Variants in MLXIP observed in about 807,000 individuals in gnomAD.
The protein encoded by MLXIP is MLX-interacting protein.
MLXIP carries 30 observed loss-of-function variants against 87.2 expected under a neutral mutation model. The observed-to-expected ratio is 0.34, with a 90% confidence interval of 0.26 to 0.47. The LOEUF (loss-of-function observed/expected upper bound fraction) is 0.47, where lower values mean the gene tolerates loss of function less well. Among genes scored for constraint, MLXIP ranks in the 20% least tolerant of loss-of-function variants. The probability of loss-of-function intolerance (pLI) is 1.00; values close to 1 mark genes in which losing one functional copy is unlikely to be tolerated. For missense variants in MLXIP, 1,002 were observed against 1,240.1 expected, an observed-to-expected ratio of 0.81 and a Z score of 2.88; for synonymous variants, 530 against 514.0, an observed-to-expected ratio of 1.03 and a Z score of -0.42.
At chr12:122,079,566 A>G (rs1268727267) in intron 1 of MLXIP, among the ~76,000 whole-genome samples, 2 of 152,164 alleles carry the variant, frequency 1.3e-5, no homozygotes, top group African/African-American at 4.8e-5. Flanking sequence ...CACTGGCTGC[A>G]TCTTGTGTTA....
At position 122,135,425 on chromosome 12, in the gene MLXIP, G is replaced by T. The variant is rs1953069821; in HGVS notation, c.1855-64G>T. The T allele has an allele frequency of 6.2e-7, 1 of 1,603,182 alleles. No individual in the cohort carries two copies. The highest frequency in any genetic ancestry group is 1.1e-5 in the South Asian group (1 of 89,238). On this transcript the variant is annotated intron_variant, in intron 10 of 16. Transcript: ENST00000319080. The surrounding 1 kb of genome is among the most constrained non-coding windows in gnomAD (Gnocchi z 5.3). ...ATCTTGGGCGGCCCTCACCTGAGAC[G>T]ACTGGTGTGCCGCCCTGCTGTATAT...
At chr12:122,094,480 GGTGT>G (rs1298610332) in intron 1 of MLXIP, among the ~76,000 whole-genome samples, 1 of 128,742 alleles carries the variant, frequency 7.8e-6, no homozygotes, top group Non-Finnish European at 1.6e-5. Flanking sequence ...TTGGTGTGTG[GGTGT>G]GTGTTTGCAA....
intron 1 of MLXIP, among the ~76,000 whole-genome samples, chr12:122,103,551 C>T (rs1291734780): frequency 1.4e-4 from 20 of 138,960 alleles, no homozygotes; most frequent in African/African-American, 3.5e-4. Flanking sequence ...GACAGAGTCT[C>T]GCTGTGTCAC....
chr12:122,129,361 C>A, intron 4 of MLXIP, 135 bp downstream of exon 4: 1 of 944,126 alleles, frequency 1.1e-6, no homozygotes, highest in Non-Finnish European at 1.6e-6. Flanking sequence ...AAATCTGGGG[C>A]CCAGCGTGCC....
chr12:122,082,440 G>C (rs922324852), intron 1 of MLXIP, among the ~76,000 whole-genome samples: 1 of 152,204 alleles, frequency 6.6e-6, no homozygotes, highest in African/African-American at 2.4e-5. Flanking sequence ...TTCCCTGCAA[G>C]GTGGAAGTGA....
intron 1 of MLXIP, among the ~76,000 whole-genome samples, chr12:122,122,280 C>A (rs142288154): frequency 1.3e-5 from 2 of 152,332 alleles, no homozygotes; most frequent in East Asian, 3.9e-4. Context: ...GAAGTCCCCC[C>A]AGTCACAGAC....
At chr12:122,106,595 C>CTTTT (rs1162475087) in intron 1 of MLXIP, among the ~76,000 whole-genome samples, 49 of 62,878 alleles carry the variant, frequency 7.8e-4, no homozygotes, top group East Asian at 3.2e-3. Flanking sequence ...ATCGCAGGTT[C>CTTTT]TTTTTTTTTT....
chr12:122,111,819 TTTAAGTAGG>T (rs1364981808), intron 1 of MLXIP, among the ~76,000 whole-genome samples: 1 of 152,224 alleles, frequency 6.6e-6, no homozygotes, highest in African/African-American at 2.4e-5. Context: ...GATTTCTCTT[TTTAAGTAGG>T]TTAAGTAGTG....
chr12:122,109,731 A>G (rs571136447), intron 1 of MLXIP, among the ~76,000 whole-genome samples: 17 of 152,360 alleles, frequency 1.1e-4, no homozygotes, highest in African/African-American at 4.1e-4. Context: ...TAAGTTGACT[A>G]AAAAACACCC....
intron 11 of MLXIP, chr12:122,136,438 C>G (rs1359782344): frequency 7.2e-6 from 1 of 139,640 alleles, no homozygotes; most frequent in Non-Finnish European, 1.5e-5. Context: ...CATGGTGAAA[C>G]CTTGTCCCTA....
At chr12:122,119,007 A>G (rs1952735830) in intron 1 of MLXIP, among the ~76,000 whole-genome samples, 1 of 152,100 alleles carries the variant, frequency 6.6e-6, no homozygotes, top group South Asian at 2.1e-4. Flanking sequence ...TCTACTAAAA[A>G]TACAAAAAAT....
In MLXIP at chr12:122,142,145, C is replaced by G; in HGVS notation, c.*333C>G. ...GCTGGTGGCCTGCCGGGCCTGGCGC[C>G]GGTGAGCGGAATCGATGGGATGAGG... On this transcript the variant is annotated 3_prime_UTR_variant, in exon 17 of 17. Transcript: ENST00000319080. 1 of 701,200 alleles carries G rather than the reference C, an allele frequency of 1.4e-6. No individual in the cohort carries two copies. The highest frequency in any genetic ancestry group is 2.6e-6 in the Non-Finnish European group (1 of 384,614). 43.4% of individuals were successfully genotyped at this position (701,200 alleles called of 1,614,324 possible). A position where few individuals can be genotyped will look rare whatever the true frequency, so the allele number is the denominator to read the frequency against.
rs2135995781 is a variant in MLXIP, at chr12:122,140,947, A to G, written c.2509-7A>G. ...GTGCTTGCCTTTTCTTTAACCACAC[A>G]CTGCAGTTCAGCATCATCATCAAGC... On this transcript the variant is annotated splice_polypyrimidine_tract_variant and splice_region_variant and intron_variant, in intron 15 of 16. Transcript: ENST00000319080. 5 of 1,613,742 alleles carry G rather than the reference A, an allele frequency of 3.1e-6. No homozygotes were observed. Among genetic ancestry groups the G allele is most frequent in the Non-Finnish European group, 3.4e-6 (4 of 1,179,838 alleles).
chr12:122,133,032 A>G lies in MLXIP; in HGVS notation c.1093-316A>G. On this transcript the variant is annotated intron_variant, in intron 8 of 16. Coordinates refer to ENST00000319080, the MANE Select transcript of MLXIP (RefSeq NM_014938.6). This position sits in a 1 kb window ranked among gnomAD's most constrained non-coding sequence, Gnocchi z 4.9. ...CAATCCAGGCTGCCTCTGCTCAGTAATAGAAGATGGCAGAGACTTTGGGGA... is the reference window on the plus strand; with the variant it reads ...CAATCCAGGCTGCCTCTGCTCAGTAGTAGAAGATGGCAGAGACTTTGGGGA... 3.3e-6 allele frequency: 1 copy of G among 300,504 alleles called. No individual in the cohort carries two copies. The highest frequency in any genetic ancestry group is 6.2e-6 in the Non-Finnish European group (1 of 162,404). The allele number at this position is 300,504 out of a possible 1,614,324, so 18.6% of individuals were successfully genotyped here.
At position 122,142,415 on chromosome 12, in the gene MLXIP, G is replaced by T; in HGVS notation, c.*603G>T. 2.2e-6 allele frequency: 1 copy of T among 456,744 alleles called. No homozygotes were observed. The highest frequency in any genetic ancestry group is 1.7e-5 in the South Asian group (1 of 57,452). The allele number at this position is 456,744 out of a possible 1,614,324, so 28.3% of individuals were successfully genotyped here. On this transcript the variant is annotated 3_prime_UTR_variant, in exon 17 of 17. Coordinates refer to ENST00000319080, the MANE Select transcript of MLXIP (RefSeq NM_014938.6). The stretch of plus-strand genomic sequence containing the variant: ...AGTGCCTTCTTCAGAGGTCCTCCAG[G>T]ACACATGTGTGCAGAAACGGTGGAT...
At chr12:122,127,487 AC>A (rs1952899625) in intron 2 of MLXIP, 125 bp downstream of exon 2, 2 of 699,994 alleles carry the variant, frequency 2.9e-6, no homozygotes, top group Non-Finnish European at 4.7e-6. Context: ...GTCTGTGCAG[AC>A]AGGAAACCCA....
chr12:122,095,968 G>A (rs1454417933), intron 1 of MLXIP, among the ~76,000 whole-genome samples: 2 of 152,030 alleles, frequency 1.3e-5, no homozygotes, highest in Non-Finnish European at 1.5e-5. Context: ...TGGTTCAAGT[G>A]ATTCTTCTCC....
intron 16 of MLXIP, 167 bp from the exon 17 acceptor site, chr12:122,141,524 G>A: frequency 1.4e-6 from 1 of 695,134 alleles, no homozygotes; most frequent in Non-Finnish European, 1.8e-6. Flanking sequence ...AGAGGGGTGA[G>A]TGCCCAGGTC....
At position 122,127,495 on chromosome 12, in the gene MLXIP, C is replaced by T; in HGVS notation, c.520+133C>T. 1.2e-5 allele frequency: 8 copies of T among 671,796 alleles called. No individual in the cohort carries two copies. The South Asian group carries it at 1.3e-4, about 11-fold the overall frequency. The allele number at this position is 671,796 out of a possible 1,614,324, so 41.6% of individuals were successfully genotyped here. A position where few individuals can be genotyped will look rare whatever the true frequency, so the allele number is the denominator to read the frequency against. ...AAGTTCAGTCTGTGCAGACAGGAAA[C>T]CCAAGCCATCAGGCCCAGCAGAGGG... On this transcript the variant is annotated intron_variant, in intron 2 of 16. Transcript: ENST00000319080.
Sources: gnomAD v4.1 joint callset for allele counts (sites outside exome capture counted in the v4.1 genomes callset) on GRCh38, gnomAD v4.1.1 for gene constraint, Gnocchi (gnomAD v3.1) non-coding constraint, MANE v1.5 for transcripts, NCBI Gene and HGNC (gene_info 2026-07-23, HGNC 2026-07-21) for gene names.